Variants in DAB2IP observed in about 807,000 individuals in gnomAD.
DAB2IP encodes DAB2 interacting protein.
DAB2IP carries 28 observed loss-of-function variants against 107.2 expected under a neutral mutation model. That is an observed-to-expected ratio of 0.26 (90% CI 0.19 to 0.36). The LOEUF (loss-of-function observed/expected upper bound fraction) is 0.36, where lower values mean the gene tolerates loss of function less well. Among genes scored for constraint, DAB2IP ranks in the 10% least tolerant of loss-of-function variants. The pLI is 1.00. For missense variants in DAB2IP, 1,400 were observed against 1,644.7 expected, an observed-to-expected ratio of 0.85 and a Z score of 2.57; for synonymous variants, 755 against 706.4, an observed-to-expected ratio of 1.07 and a Z score of -1.09.
chr9:121,772,565 T>A lies in DAB2IP; in HGVS notation c.2079-42T>A. 6.4e-7 allele frequency: 1 copy of A among 1,574,232 alleles called. No homozygotes were observed. The highest frequency in any genetic ancestry group is 8.6e-7 in the Non-Finnish European group (1 of 1,157,770). The stretch of plus-strand genomic sequence containing the variant: ...CCGCCTTGGCTGCACTCACAGTTCT[T>A]CTTTTCCCCTTCTTTCCCTGTGTGT... On this transcript the variant is annotated intron_variant, in intron 11 of 15. Transcript: ENST00000408936. The surrounding 1 kb of genome is among the most constrained non-coding windows in gnomAD (Gnocchi z 4.7).
exon 16 of DAB2IP, chr9:121,783,477 A>T (rs980283531): frequency 1.2e-6 from 2 of 1,613,890 alleles, no homozygotes; most frequent in Non-Finnish European, 1.7e-6. Context: ...TTAAAAAAAG[A>T]TTCTAACGCC....
chr9:121,606,461 C>T (rs899814244), intron 1 of DAB2IP, among the ~76,000 whole-genome samples: 1 of 152,150 alleles, frequency 6.6e-6, no homozygotes, highest in East Asian at 1.9e-4. Context: ...CCCTCCCAGT[C>T]CCCCTGTGAC....
chr9:121,742,735 C>T (rs1056995951), intron 3 of DAB2IP: 13 of 985,578 alleles, frequency 1.3e-5, no homozygotes, highest in Admixed American at 6.1e-5. Context: ...TTTTCTTCCC[C>T]GCATCCTCCC....
intron 1 of DAB2IP, among the ~76,000 whole-genome samples, chr9:121,630,533 ATTT>A (rs1554716325): frequency 1.4e-5 from 2 of 146,928 alleles, no homozygotes; most frequent in Admixed American, 6.8e-5. Flanking sequence ...TCATAAAAAA[ATTT>A]TTTTTTTTTT....
chr9:121,696,025 C>T (rs1035992544), intron 2 of DAB2IP, among the ~76,000 whole-genome samples: 1 of 151,974 alleles, frequency 6.6e-6, no homozygotes, highest in South Asian at 2.1e-4. Context: ...CGTGCCACCA[C>T]GCCCGGCTAA....
chr9:121,640,063 C>A (rs2777308), intron 1 of DAB2IP, among the ~76,000 whole-genome samples: 63,510 of 152,056 alleles, frequency 0.42, 14,256 homozygotes, highest in African/African-American at 0.58. Context: ...GGCATGGGGT[C>A]GGCTGGCCCA....
chr9:121,745,752 C>T (rs937892208), intron 3 of DAB2IP, among the ~76,000 whole-genome samples: 4 of 152,272 alleles, frequency 2.6e-5, no homozygotes, highest in African/African-American at 7.2e-5. Context: ...GAGGCCCATC[C>T]GAGGTCCACA....
rs144168525 is a variant in DAB2IP at position 121,582,144 on chromosome 9, G to A, written c.40+14916G>A. The stretch of plus-strand genomic sequence containing the variant: ...CGGATTCAGATAGAAAGGGCTGAAA[G>A]GGGGTTGGAAGCTAATGTGCCTGAG... On this transcript the variant is annotated intron_variant, in intron 1 of 16. Transcript: ENST00000259371. Among the ~76,000 whole-genome samples, 517 of 152,346 alleles carry A rather than the reference G, an allele frequency of 3.4e-3. 7 individuals are homozygous for A. Among genetic ancestry groups the A allele is most frequent in the African/African-American group, 0.012 (500 of 41,582 alleles).
At chr9:121,596,696 G>A (rs1830537814) in intron 1 of DAB2IP, among the ~76,000 whole-genome samples, 1 of 150,872 alleles carries the variant, frequency 6.6e-6, no homozygotes, top group Non-Finnish European at 1.5e-5. Context: ...GATAGGGATG[G>A]AGGCTGTTTC....
chr9:121,779,755 C>G (rs1016020382), intron 14 of DAB2IP, among the ~76,000 whole-genome samples: 1 of 152,198 alleles, frequency 6.6e-6, no homozygotes, highest in Non-Finnish European at 1.5e-5. Context: ...CTTGCCTAGC[C>G]TGGTAATTTT....
rs752536403 is a variant in DAB2IP, at chr9:121,760,792, C to T, written c.1170+353C>T. ...CGGCTCTCCCAGCACACAGGTCCCA[C>T]AACGCCACCAGCCGCAGTGAGCCAA... On this transcript the variant is annotated intron_variant, in intron 6 of 15. Transcript: ENST00000408936. The surrounding 1 kb of genome is among the most constrained non-coding windows in gnomAD (Gnocchi z 5.9). Among the ~76,000 whole-genome samples, 7 of 152,180 alleles carry T rather than the reference C, an allele frequency of 4.6e-5. No individual in the cohort carries two copies. The highest frequency in any genetic ancestry group is 2.9e-5 in the Non-Finnish European group (2 of 68,032).
At position 121,736,068 on chromosome 9, in the gene DAB2IP, C is replaced by A. The variant is rs1466690864; in HGVS notation, c.363-20945C>A. On this transcript the variant is annotated intron_variant, in intron 3 of 15. Transcript: ENST00000408936. This position sits in a 1 kb window ranked among gnomAD's most constrained non-coding sequence, Gnocchi z 4.6. ...TGCTGCCTGGGAACCCAGTGCCCTT[C>A]TCAGCTTAGGCTGTCTAGACCCAAG... is the stretch of plus-strand genomic sequence containing the variant. 6.6e-6 allele frequency among the ~76,000 whole-genome samples: 1 copy of A among 152,242 alleles called. No individual in the cohort carries two copies. Among genetic ancestry groups the A allele is most frequent in the Non-Finnish European group, 1.5e-5 (1 of 68,050 alleles).
chr9:121,588,043 T>A (rs1354723018), intron 1 of DAB2IP, among the ~76,000 whole-genome samples: 1 of 152,190 alleles, frequency 6.6e-6, no homozygotes, highest in Non-Finnish European at 1.5e-5. Context: ...TAAACTCCTA[T>A]CCATGCGTTG....
At chr9:121,666,320 C>T (rs948423970) in intron 1 of DAB2IP, among the ~76,000 whole-genome samples, 1 of 152,198 alleles carries the variant, frequency 6.6e-6, no homozygotes, top group Non-Finnish European at 1.5e-5. Context: ...CTGCAAAGTC[C>T]CTTTTGCCAT....
chr9:121,759,002 C>G lies in DAB2IP; in HGVS notation c.615+6C>G, dbSNP rs780053460. 18 of 1,608,410 alleles carry G rather than the reference C, an allele frequency of 1.1e-5. No individual in the cohort carries two copies. In the South Asian group the frequency reaches 1.8e-4, roughly 16 times the overall value. ...GAGCGGTGCATCCCAACAAGGTAAG[C>G]CTGCGCCCCTCTCACCAAAGCATGG... On this transcript the variant is annotated splice_donor_region_variant and intron_variant, in intron 5 of 15. Coordinates refer to ENST00000408936, the Ensembl canonical transcript of DAB2IP.
intron 2 of DAB2IP, among the ~76,000 whole-genome samples, chr9:121,694,411 T>G (rs1564161177): frequency 1.3e-5 from 2 of 151,986 alleles, no homozygotes; most frequent in Non-Finnish European, 2.9e-5. Flanking sequence ...TCTCCTAGGG[T>G]GGGAGTGATT....
rs188946698 is a variant in DAB2IP at position 121,580,135 on chromosome 9, G to A, written c.40+12907G>A. ...CAGGTGACTCTAAGGGGCAGCTGCT[G>A]GAATTGGAGGAGGATTGTTGGAGCC... On this transcript the variant is annotated intron_variant, in intron 1 of 16. Coordinates refer to the DAB2IP transcript ENST00000259371. Among the ~76,000 whole-genome samples, 95 of 152,280 alleles carry A rather than the reference G, an allele frequency of 6.2e-4. 1 individual carries two copies. The highest frequency in any genetic ancestry group is 1.2e-3 in the Admixed American group (18 of 15,288).
rs1005209170 is a variant in DAB2IP, at chr9:121,602,482, C to T, written c.40+35254C>T. ...TATCATAGCTCACTAAGGCCTCAAA[C>T]TCCTGTGCTCCAGTGATCCTCCCAC... is the stretch of plus-strand genomic sequence containing the variant. On this transcript the variant is annotated intron_variant, in intron 1 of 16. Transcript: ENST00000259371. Among the ~76,000 whole-genome samples, 6 of 152,210 alleles carry T rather than the reference C, an allele frequency of 3.9e-5. No homozygotes were observed. The East Asian group carries it at 7.7e-4, about 20-fold the overall frequency.
intron 1 of DAB2IP, among the ~76,000 whole-genome samples, chr9:121,590,366 T>TCACTG (rs1319607962): frequency 6.6e-6 from 1 of 151,658 alleles, no homozygotes; most frequent in Non-Finnish European, 1.5e-5. Flanking sequence ...GATGCTTCAG[T>TCACTG]CACTGCAGTT....
Sources: gnomAD v4.1 joint callset for allele counts (sites outside exome capture counted in the v4.1 genomes callset) on GRCh38, gnomAD v4.1.1 for gene constraint, Gnocchi (gnomAD v3.1) non-coding constraint, MANE v1.5 for transcripts, NCBI Gene and HGNC (gene_info 2026-07-23, HGNC 2026-07-21) for gene names.